Variants in CUBN observed in about 807,000 individuals in gnomAD.
CUBN encodes the protein cubilin, also known as 460 kDa receptor.
CUBN carries 282 observed loss-of-function variants against 405.3 expected under a neutral mutation model. The ratio of observed to expected loss-of-function variants is 0.70; its 90% CI spans 0.63 to 0.77. CUBN has a LOEUF of 0.77. CUBN is among the 30% of genes least tolerant of loss of function. The probability of loss-of-function intolerance (pLI) is 0.00; values close to 1 mark genes in which losing one functional copy is unlikely to be tolerated. For missense variants in CUBN, 4,514 were observed against 4,475.2 expected (o/e 1.01, Z -0.25); for synonymous variants, 1,684 against 1,617.0 (o/e 1.04, Z -0.99).
In CUBN at chr10:16,928,207, G is replaced by A; in HGVS notation, c.6221C>T (p.Thr2074Ile). 1 of 1,614,006 alleles carries A rather than the reference G, an allele frequency of 6.2e-7. No individual in the cohort carries two copies. The highest frequency in any genetic ancestry group is 1.1e-5 in the South Asian group (1 of 91,070). The stretch of plus-strand genomic sequence containing the variant: ...TGCCCTGGTTACACTGGAGTCCGAG[G>A]TGAAGCGGATGAACATGTACTCTCC... ...STGEYMFIRF[T>I]SDSSVTRAGF... Residue 2074 changes from threonine (T) to isoleucine (I), a missense_variant, in exon 41 of 67, where the codon ACC becomes ATC. Physicochemically the swap from Thr to Ile is moderately conservative, Grantham distance 89. This residue lies in a region of CUBN where 1,613 missense variants were observed against 1,542.8 expected (regional missense o/e 1.05). Coordinates refer to ENST00000377833, the MANE Select transcript of CUBN (RefSeq NM_001081.4).
intron 27 of CUBN, among the ~76,000 whole-genome samples, chr10:17,022,995 A>C (rs574450538): frequency 6.6e-6 from 1 of 152,214 alleles, no homozygotes; most frequent in South Asian, 2.1e-4. Context: ...ATGTTGCGGA[A>C]TTATATTTCA....
intron 22 of CUBN, among the ~76,000 whole-genome samples, chr10:17,053,122 A>T (rs533510980): frequency 1.8e-4 from 28 of 152,180 alleles, no homozygotes; most frequent in Admixed American, 1.2e-3. Context: ...ATAGAATGGA[A>T]TACTAATAAT....
Position 17,034,499 on chromosome 10 carries a change from G to A in CUBN, c.4017+6534C>T, listed in dbSNP as rs181850877. ...GAGCATTGAAGTGAGGATAAAACAG[G>A]CTATCTTGGTGGAAGTGGGCTATGA... On this transcript the variant is annotated intron_variant, in intron 27 of 66. Coordinates refer to ENST00000377833, the MANE Select transcript of CUBN (RefSeq NM_001081.4). Among the ~76,000 whole-genome samples, 122 of 152,248 alleles carry A rather than the reference G, an allele frequency of 8.0e-4. 2 individuals carry two copies. In the Middle Eastern group the frequency reaches 0.017, roughly 21 times the overall value.
At chr10:16,988,873 T>C (rs1272863736) in intron 29 of CUBN, among the ~76,000 whole-genome samples, 2 of 152,204 alleles carry the variant, frequency 1.3e-5, no homozygotes, top group Non-Finnish European at 2.9e-5. Context: ...AGCGTTAGTT[T>C]TGACCACTGT....
intron 31 of CUBN, among the ~76,000 whole-genome samples, chr10:16,976,349 T>A (rs1381552419): frequency 6.6e-6 from 1 of 152,100 alleles, no homozygotes; most frequent in Non-Finnish European, 1.5e-5. Flanking sequence ...TTAATCTGAA[T>A]ATATCAGTCT....
At chr10:17,067,818 A>G (rs1352906012) in intron 21 of CUBN, among the ~76,000 whole-genome samples, 2 of 152,016 alleles carry the variant, frequency 1.3e-5, no homozygotes, top group East Asian at 1.9e-4. Flanking sequence ...AAAGGAAGAA[A>G]GTTTTGTGGG....
In CUBN at chr10:17,071,767, G is replaced by C. The variant is rs146281738; in HGVS notation, c.2446+60C>G. On this transcript the variant is annotated intron_variant, in intron 18 of 66. Transcript: ENST00000377833. ...GGACATAAAATGACTAAATTATTTT[G>C]AAGAATTAAAATATTACAATCAGGC... 8.1e-4 allele frequency: 1,274 copies of C among 1,565,892 alleles called. 10 individuals are homozygous for C. The African/African-American group carries it at 0.015, about 19-fold the overall frequency.
At chr10:17,040,369 G>T (rs538793379) in intron 27 of CUBN, among the ~76,000 whole-genome samples, 1 of 152,062 alleles carries the variant, frequency 6.6e-6, no homozygotes, top group Non-Finnish European at 1.5e-5. Context: ...ATGATGAAAC[G>T]TAGATGCCAA....
At chr10:16,940,339 T>C (rs1842621469) in intron 36 of CUBN, 102 bp from the exon 37 acceptor site, 2 of 1,106,504 alleles carry the variant, frequency 1.8e-6, no homozygotes, top group Non-Finnish European at 2.7e-6. Flanking sequence ...TTTTTTAAAC[T>C]TTCTTTAACT....
At chr10:16,953,058 A>C (rs1004083792) in intron 32 of CUBN, among the ~76,000 whole-genome samples, 5 of 152,130 alleles carry the variant, frequency 3.3e-5, no homozygotes, top group Non-Finnish European at 7.4e-5. Context: ...GCTCTTGGTT[A>C]ACATCTGCAG....
intron 47 of CUBN, among the ~76,000 whole-genome samples, chr10:16,914,271 A>T (rs1324086236): frequency 6.6e-6 from 1 of 152,156 alleles, no homozygotes; most frequent in Non-Finnish European, 1.5e-5. Context: ...TGAACTTAAG[A>T]ATCAGGAAAA....
At chr10:16,925,154 C>T (rs1842145839) in intron 43 of CUBN, 87 bp downstream of exon 43, 1 of 1,012,730 alleles carries the variant, frequency 9.9e-7, no homozygotes, top group African/African-American at 1.6e-5. Flanking sequence ...AATTCTATTA[C>T]TGTTGGTTCA....
chr10:17,033,753 G>T lies in CUBN; in HGVS notation c.4017+7280C>A, dbSNP rs80100556. On this transcript the variant is annotated intron_variant, in intron 27 of 66. Coordinates refer to ENST00000377833, the MANE Select transcript of CUBN (RefSeq NM_001081.4). The stretch of plus-strand genomic sequence containing the variant: ...TACCACATGGAAGCCAGGAACACCT[G>T]CCTTTTACTCTGATGTGATTAGAAA... 9.6e-3 allele frequency among the ~76,000 whole-genome samples: 1,463 copies of T among 152,258 alleles called. 19 individuals carry two copies. The highest frequency in any genetic ancestry group is 0.032 in the African/African-American group (1,319 of 41,538).
intron 22 of CUBN, among the ~76,000 whole-genome samples, chr10:17,052,907 T>G (rs59597237): frequency 0.052 from 7,920 of 151,642 alleles, 707 homozygotes; most frequent in African/African-American, 0.18. Context: ...GCACATGGAA[T>G]TACACTAGTA....
chr10:17,082,048 G>C (rs772211773), intron 17 of CUBN, among the ~76,000 whole-genome samples: 5 of 152,012 alleles, frequency 3.3e-5, no homozygotes, highest in African/African-American at 4.8e-5. Flanking sequence ...TAGATACCTC[G>C]CTGGCCAACT....
In CUBN at chr10:16,918,944, T is replaced by C. The variant is rs1841963677; in HGVS notation, c.6822-144A>G. 1.1e-5 allele frequency: 9 copies of C among 803,506 alleles called. No homozygotes were observed. The South Asian group carries it at 1.4e-4, about 13-fold the overall frequency. 49.8% of individuals were successfully genotyped at this position (803,506 alleles called of 1,614,324 possible). A position where few individuals can be genotyped will look rare whatever the true frequency, so the allele number is the denominator to read the frequency against. On this transcript the variant is annotated intron_variant, in intron 44 of 66. Coordinates refer to ENST00000377833, the MANE Select transcript of CUBN (RefSeq NM_001081.4). ...TATGATAGAATCAGCATAAGCCATG[T>C]CACTTTAAAATGCTGTATGATATTT...
At chr10:16,891,781 A>G (rs1841016347) in intron 54 of CUBN, among the ~76,000 whole-genome samples, 1 of 152,138 alleles carries the variant, frequency 6.6e-6, no homozygotes, top group Non-Finnish European at 1.5e-5. Flanking sequence ...GGTCTCAACT[A>G]GGAGCAATTT....
At chr10:17,018,140 C>A (rs1479936705) in intron 28 of CUBN, among the ~76,000 whole-genome samples, 5 of 152,156 alleles carry the variant, frequency 3.3e-5, no homozygotes, top group African/African-American at 1.2e-4. Flanking sequence ...AAGCCTGACA[C>A]CCGTGTCTTT....
intron 31 of CUBN, 130 bp downstream of exon 31, chr10:16,982,354 C>T: frequency 1.3e-6 from 1 of 785,992 alleles, no homozygotes; most frequent in Non-Finnish European, 2.1e-6. Context: ...TTTTAAGTTG[C>T]CAATAGTTTG....
Sources: gnomAD v4.1 joint callset for allele counts (sites outside exome capture counted in the v4.1 genomes callset) on GRCh38, gnomAD v4.1.1 for gene constraint, gnomAD v4.1.1 regional missense constraint, MANE v1.5 for transcripts, NCBI Gene and HGNC (gene_info 2026-07-23, HGNC 2026-07-21) for gene names.